Variants in ESR1 observed in about 807,000 individuals in gnomAD.
The protein encoded by ESR1 is estrogen receptor 1, also known as estrogen receptor.
In ESR1, 12 loss-of-function variants were observed where a neutral mutation model predicts 52.7. That is an observed-to-expected ratio of 0.23 (90% CI 0.15 to 0.37). The LOEUF (loss-of-function observed/expected upper bound fraction) is 0.37, where lower values mean the gene tolerates loss of function less well. Ranked by LOEUF, ESR1 falls within the 10% of genes least tolerant of loss-of-function variation. The pLI, the probability that ESR1 is intolerant of heterozygous loss-of-function variation, is 1.00. For synonymous variants in ESR1, 305 were observed against 316.8 expected, an observed-to-expected ratio of 0.96 and a Z score of 0.39; for missense variants, 584 against 779.7, an observed-to-expected ratio of 0.75 and a Z score of 2.99.
At chr6:151,712,489 C>T (rs544869516) in intron 2 of ESR1, among the ~76,000 whole-genome samples, 1 of 152,140 alleles carries the variant, frequency 6.6e-6, no homozygotes, top group South Asian at 2.1e-4. Context: ...AATGTTTTTC[C>T]ATTTCTTTGT....
exon 7 of ESR1, chr6:152,127,690 C>T (rs182328982): frequency 6.6e-6 from 1 of 152,292 alleles, no homozygotes; most frequent in African/African-American, 2.4e-5. Context: ...GGTGAGCAAT[C>T]TGCCTTAGAG....
chr6:151,784,568 T>C (rs970858004), intron 2 of ESR1, among the ~76,000 whole-genome samples: 1 of 152,172 alleles, frequency 6.6e-6, no homozygotes. Flanking sequence ...AGTGCTAAGA[T>C]CAGAGAAAAA....
intron 2 of ESR1, among the ~76,000 whole-genome samples, chr6:151,874,845 A>G (rs1302497408): frequency 6.6e-6 from 1 of 152,220 alleles, no homozygotes; most frequent in Non-Finnish European, 1.5e-5. Context: ...GAGATGATTC[A>G]AGGAAACTGC....
chr6:151,659,519 T>C (rs959480980), intron 1 of ESR1, among the ~76,000 whole-genome samples: 2 of 152,226 alleles, frequency 1.3e-5, no homozygotes, highest in Admixed American at 6.5e-5. Flanking sequence ...CCTTTTACCA[T>C]TGAGTTTCTC....
At chr6:151,879,662 A>G (rs543059125) in intron 2 of ESR1, among the ~76,000 whole-genome samples, 6 of 152,300 alleles carry the variant, frequency 3.9e-5, no homozygotes, top group Non-Finnish European at 1.5e-5. Flanking sequence ...CCGGGGAACT[A>G]TGGTAAACTC....
chr6:151,833,265 G>A (rs528129180), intron 1 of ESR1, among the ~76,000 whole-genome samples: 2 of 152,300 alleles, frequency 1.3e-5, no homozygotes, highest in East Asian at 1.9e-4. Context: ...TGTTTATCCT[G>A]TAGGCCAGTG....
chr6:152,002,069 T>C (rs2041993051), intron 4 of ESR1, among the ~76,000 whole-genome samples: 2 of 152,048 alleles, frequency 1.3e-5, no homozygotes, highest in Non-Finnish European at 2.9e-5. Context: ...TTCGACATTC[T>C]GAACTTAAGT....
At chr6:151,803,059 C>T (rs527390466), upstream of ESR1, among the ~76,000 whole-genome samples, 7 of 151,802 alleles carry the variant, frequency 4.6e-5, no homozygotes, top group Non-Finnish European at 8.8e-5. Context: ...ATCCAGACAC[C>T]TATAATATTA....
chr6:151,806,358 T>C (rs1261965585), upstream of ESR1, among the ~76,000 whole-genome samples: 1 of 151,968 alleles, frequency 6.6e-6, no homozygotes, highest in Non-Finnish European at 1.5e-5. Flanking sequence ...AGATAGACCA[T>C]GAACACTTCG....
chr6:151,672,288 A>G (rs1020166512), intron 1 of ESR1, among the ~76,000 whole-genome samples: 1 of 151,828 alleles, frequency 6.6e-6, no homozygotes, highest in Non-Finnish European at 1.5e-5. Flanking sequence ...TAAAAAAAAG[A>G]GAGGGGACTA....
At chr6:151,879,241 A>G (rs1008875994) in intron 2 of ESR1, among the ~76,000 whole-genome samples, 1 of 152,190 alleles carries the variant, frequency 6.6e-6, no homozygotes, top group African/African-American at 2.4e-5. Flanking sequence ...GAAGGGAGGT[A>G]TCAACATTGT....
intron 2 of ESR1, among the ~76,000 whole-genome samples, chr6:151,706,234 A>G (rs1780175330): frequency 6.6e-6 from 1 of 152,212 alleles, no homozygotes; most frequent in Non-Finnish European, 1.5e-5. Flanking sequence ...GCTGCTCATC[A>G]AAGTGGAAAT....
rs535710948 is a variant in ESR1 at position 152,032,752 on chromosome 6, G to A, written c.1235+20958G>A. On this transcript the variant is annotated intron_variant, in intron 5 of 7. Coordinates refer to ENST00000206249, the MANE Select transcript of ESR1 (RefSeq NM_000125.4). Reference sequence around the variant, plus strand: ...ATAGATTCAATGCTATCCCCATCAAGCTACCAATGACTTTCTTCACAGAAT... The same window carrying A: ...ATAGATTCAATGCTATCCCCATCAAACTACCAATGACTTTCTTCACAGAAT... Among the ~76,000 whole-genome samples, 141 of 152,242 alleles carry A rather than the reference G, an allele frequency of 9.3e-4. 1 individual carries two copies. Among genetic ancestry groups the A allele is most frequent in the African/African-American group, 3.2e-3 (133 of 41,532 alleles).
intron 2 of ESR1, among the ~76,000 whole-genome samples, chr6:151,725,410 CTT>C (rs1274557514): frequency 2.6e-5 from 4 of 152,162 alleles, no homozygotes; most frequent in African/African-American, 9.6e-5. Flanking sequence ...AGTCTTAAAT[CTT>C]TTTGTTTGTT....
chr6:151,977,734 G>T (rs2039577476), intron 4 of ESR1, among the ~76,000 whole-genome samples: 1 of 152,016 alleles, frequency 6.6e-6, no homozygotes, highest in African/African-American at 2.4e-5. Context: ...GGCGGAGGTT[G>T]CAGTGAGCCA....
chr6:151,913,932 T>C (rs1196515258), intron 3 of ESR1, among the ~76,000 whole-genome samples: 1 of 152,148 alleles, frequency 6.6e-6, no homozygotes, highest in African/African-American at 2.4e-5. Context: ...ATTATTCTTG[T>C]TTTCATTCAG....
chr6:151,899,028 G>C (rs1392918770), intron 3 of ESR1, among the ~76,000 whole-genome samples: 1 of 150,420 alleles, frequency 6.6e-6, no homozygotes, highest in African/African-American at 2.4e-5. Context: ...CGGGCGGGGG[G>C]CTGAACCCCC....
intron 1 of ESR1, among the ~76,000 whole-genome samples, chr6:151,819,111 T>C (rs1338608711): frequency 6.6e-6 from 1 of 152,170 alleles, no homozygotes; most frequent in Admixed American, 6.6e-5. Context: ...TTGTTCCATC[T>C]CTGTTAGGCT....
intron 5 of ESR1, among the ~76,000 whole-genome samples, chr6:152,023,107 T>G (rs560994842): frequency 9.2e-5 from 14 of 152,156 alleles, no homozygotes; most frequent in African/African-American, 2.6e-4. Context: ...AAAGGGAGCA[T>G]TTTTAGTAAA....
Sources: gnomAD v4.1 joint callset for allele counts (sites outside exome capture counted in the v4.1 genomes callset) on GRCh38, gnomAD v4.1.1 for gene constraint, MANE v1.5 for transcripts, NCBI Gene and HGNC (gene_info 2026-07-23, HGNC 2026-07-21) for gene names.